OCLN: variants seen among roughly 807,000 people sequenced by gnomAD.
OCLN encodes the protein occludin, also known as phosphatase 1, regulatory subunit 115.
In OCLN, 21 loss-of-function variants were observed where a neutral mutation model predicts 47.9. That is an observed-to-expected ratio of 0.44 (90% CI 0.31 to 0.63). OCLN has a LOEUF of 0.63. Among genes scored for constraint, OCLN ranks in the 30% least tolerant of loss-of-function variants. The probability of loss-of-function intolerance (pLI) is 0.08; values close to 1 mark genes in which losing one functional copy is unlikely to be tolerated. For synonymous variants in OCLN, 117 were observed against 198.4 expected, an observed-to-expected ratio of 0.59 and a Z score of 3.45; for missense variants, 360 against 571.0, an observed-to-expected ratio of 0.63 and a Z score of 3.77.
rs577389339 is a variant in OCLN, at chr5:69,514,442, G to T, written c.891+333G>T. ...TTATTTTTCTGCTTATCATTTTGGA[G>T]ATAAACAGAAACCATTGCCAAAGGT... is the stretch of plus-strand genomic sequence containing the variant. On this transcript the variant is annotated intron_variant, in intron 4 of 8. Coordinates refer to ENST00000396442, the MANE Select transcript of OCLN (RefSeq NM_001205254.2). Among the ~76,000 whole-genome samples the T allele has an allele frequency of 1.6e-3, 245 of 152,022 alleles. 2 individuals carry two copies. The highest frequency in any genetic ancestry group is 2.6e-3 in the Non-Finnish European group (179 of 67,982).
intron 4 of OCLN, among the ~76,000 whole-genome samples, chr5:69,529,037 C>T (rs200207586): frequency 3.3e-5 from 5 of 152,292 alleles, no homozygotes; most frequent in Admixed American, 2.0e-4. Context: ...GTGTTTTCCC[C>T]GATCTTTGTT....
Position 69,512,700 on chromosome 5 carries a change from G to A in OCLN, c.730-1248G>A, listed in dbSNP as rs76775670. 5.4e-3 allele frequency among the ~76,000 whole-genome samples: 822 copies of A among 152,298 alleles called. 9 individuals carry two copies. The highest frequency in any genetic ancestry group is 0.019 in the African/African-American group (784 of 41,574). ...TGAACGTAAGATTCTTTTGATTTAT[G>A]TAGGTCTTGTTAAACTTCTTTTAAT... On this transcript the variant is annotated intron_variant, in intron 3 of 8. Coordinates refer to ENST00000396442, the MANE Select transcript of OCLN (RefSeq NM_001205254.2).
At chr5:69,499,956 A>G (rs1768409975) in intron 1 of OCLN, among the ~76,000 whole-genome samples, 1 of 152,200 alleles carries the variant, frequency 6.6e-6, no homozygotes, top group South Asian at 2.1e-4. Flanking sequence ...TAGAGGAGAT[A>G]AGGAATTTGT....
At chr5:69,517,310 A>AT (rs773180433) in intron 4 of OCLN, among the ~76,000 whole-genome samples, 23 of 112,800 alleles carry the variant, frequency 2.0e-4, no homozygotes, top group African/African-American at 6.9e-4. Flanking sequence ...ATATATATAT[A>AT]TATATTTTTT....
intron 7 of OCLN, among the ~76,000 whole-genome samples, chr5:69,548,847 T>C (rs1349293134): frequency 1.3e-5 from 2 of 150,542 alleles, no homozygotes; most frequent in African/African-American, 4.9e-5. Flanking sequence ...TAATCCCAGC[T>C]ACTCGGGGAG....
At chr5:69,505,332 T>C (rs1768571014) in intron 2 of OCLN, among the ~76,000 whole-genome samples, 1 of 152,200 alleles carries the variant, frequency 6.6e-6, no homozygotes, top group Non-Finnish European at 1.5e-5. Flanking sequence ...TTAGAATGGA[T>C]AGTTTAATGG....
intron 4 of OCLN, among the ~76,000 whole-genome samples, chr5:69,529,186 A>C (rs1001750498): frequency 6.6e-6 from 1 of 152,172 alleles, no homozygotes; most frequent in African/African-American, 2.4e-5. Flanking sequence ...CTCTCAGGTG[A>C]GGAAGAATCA....
intron 3 of OCLN, among the ~76,000 whole-genome samples, chr5:69,513,626 G>A (rs761487307): frequency 1.4e-4 from 22 of 152,114 alleles, no homozygotes; most frequent in Non-Finnish European, 2.8e-4. Context: ...AGCTTGGCCC[G>A]TAGGTGTACA....
intron 3 of OCLN, among the ~76,000 whole-genome samples, chr5:69,513,578 A>G (rs1204455307): frequency 6.6e-6 from 1 of 152,200 alleles, no homozygotes; most frequent in East Asian, 1.9e-4. Context: ...TATACCAATG[A>G]TTGAGTTACT....
At chr5:69,515,278 G>T (rs1200662014) in intron 4 of OCLN, among the ~76,000 whole-genome samples, 1 of 139,382 alleles carries the variant, frequency 7.2e-6, no homozygotes, top group Non-Finnish European at 1.6e-5. Flanking sequence ...GCCGGGCGGG[G>T]GGCTGACCCC....
chr5:69,515,613 G>A (rs1238780159), intron 4 of OCLN, among the ~76,000 whole-genome samples: 1 of 151,648 alleles, frequency 6.6e-6, no homozygotes, highest in African/African-American at 2.4e-5. Context: ...CTCCCGGACG[G>A]GGCGGCTGGC....
intron 4 of OCLN, among the ~76,000 whole-genome samples, chr5:69,516,560 T>G (rs1258790476): frequency 2.0e-5 from 3 of 152,126 alleles, no homozygotes; most frequent in Admixed American, 2.0e-4. Context: ...TTGACATAGA[T>G]AACAGCATGA....
chr5:69,537,956 C>A (rs1039587035), intron 5 of OCLN, among the ~76,000 whole-genome samples: 1 of 116,990 alleles, frequency 8.5e-6, no homozygotes, highest in African/African-American at 3.5e-5. Flanking sequence ...TTCTGGAATA[C>A]CTCCTGAAGC....
At chr5:69,515,359 G>T (rs1249397512) in intron 4 of OCLN, among the ~76,000 whole-genome samples, 2 of 144,798 alleles carry the variant, frequency 1.4e-5, no homozygotes, top group Non-Finnish European at 3.1e-5. Context: ...GGGCGGCCGG[G>T]CAGAGGGGCC....
chr5:69,527,757 A>G (rs964925509), intron 4 of OCLN, among the ~76,000 whole-genome samples: 1 of 152,084 alleles, frequency 6.6e-6, no homozygotes, highest in African/African-American at 2.4e-5. Flanking sequence ...GTTAACATGA[A>G]TGCTGGTCAG....
chr5:69,515,986 G>T (rs548697577), intron 4 of OCLN, among the ~76,000 whole-genome samples: 1 of 150,870 alleles, frequency 6.6e-6, no homozygotes, highest in Non-Finnish European at 1.5e-5. Context: ...GATGGCGGCC[G>T]GGCAGAGACG....
At chr5:69,509,989 A>G (rs1245630450) in intron 3 of OCLN, among the ~76,000 whole-genome samples, 170 bp downstream of exon 3, 1 of 152,214 alleles carries the variant, frequency 6.6e-6, no homozygotes, top group Admixed American at 6.5e-5. Flanking sequence ...TTAACATACC[A>G]TGTAATTTGA....
At position 69,509,252 on chromosome 5, in the gene OCLN, C is replaced by G. The variant is rs773552792; in HGVS notation, c.162C>G (p.His54Gln). ...YSFYPEDEIL[H>Q]FYKWTSPPGV... Reference sequence around the variant, plus strand: ...TTTACCCAGAAGATGAAATTCTTCACTTCTACAAATGGACCTCTCCTCCAG... The same window carrying G: ...TTTACCCAGAAGATGAAATTCTTCAGTTCTACAAATGGACCTCTCCTCCAG... Residue 54 changes from histidine to glutamine, a missense_variant, in exon 3 of 9, where the codon CAC becomes CAG. This residue lies in a region of OCLN where 314 missense variants were observed against 368.1 expected (regional missense o/e 0.85). Transcript: ENST00000396442. 8.1e-6 allele frequency: 13 copies of G among 1,614,102 alleles called. No individual in the cohort carries two copies. In the South Asian group the frequency reaches 9.9e-5, roughly 12 times the overall value.
chr5:69,508,318 C>G (rs1343342667), intron 2 of OCLN, among the ~76,000 whole-genome samples: 1 of 152,096 alleles, frequency 6.6e-6, no homozygotes, highest in East Asian at 1.9e-4. Context: ...TGCATTTTAA[C>G]AGCGTATCTC....
Sources: allele counts gnomAD v4.1 joint callset (sites outside exome capture counted in the v4.1 genomes callset), GRCh38; gene constraint gnomAD v4.1.1; regional missense constraint gnomAD v4.1.1; transcripts MANE v1.5; gene names NCBI Gene and HGNC (gene_info 2026-07-23, HGNC 2026-07-21).